SIRT4: variants seen among roughly 807,000 people sequenced by gnomAD.
SIRT4 encodes the protein sirtuin 4.
In SIRT4, 23 loss-of-function variants were observed where a neutral mutation model predicts 26.1. That is an observed-to-expected ratio of 0.88 (90% CI 0.63 to 1.25). The LOEUF (loss-of-function observed/expected upper bound fraction) is 1.25, where lower values mean the gene tolerates loss of function less well. SIRT4 is among the 50% of genes most tolerant of loss of function. SIRT4 has a pLI of 0.00. For missense variants in SIRT4, 361 were observed against 405.4 expected (o/e 0.89, Z 0.94); for synonymous variants, 155 against 158.4 (o/e 0.98, Z 0.16).
the SIRT4 span, among the ~76,000 whole-genome samples, chr12:120,296,012 G>C: frequency 6.7e-6 from 1 of 149,154 alleles, no homozygotes; most frequent in Non-Finnish European, 1.5e-5. Context: ...GCTTGAACCT[G>C]GGAGGTAGAG....
Position 120,312,736 on chromosome 12 carries a change from G to C in SIRT4, c.778G>C (p.Gly260Arg). 6.2e-7 allele frequency: 1 copy of C among 1,613,312 alleles called. No individual in the cohort carries two copies. Among genetic ancestry groups the C allele is most frequent in the Non-Finnish European group, 8.5e-7 (1 of 1,179,604 alleles). The change falls in exon 3 of 4, where the codon GGA (glycine) becomes CGA (arginine). Residue 260 changes from glycine (G) to arginine (R), a missense_variant. Physicochemically the swap from Gly to Arg is moderately radical, Grantham distance 125. Coordinates refer to ENST00000202967, the MANE Select transcript of SIRT4 (RefSeq NM_012240.3). ...VKEADSLLVV[G>R]SSLQVYSGYR... ...AGAAGCCGACTCCCTCTTGGTGGTG[G>C]GATCATCCTTGCAGGTATCTGACTT...
At chr12:120,298,908 A>AAAAT (rs34954726), upstream of SIRT4, among the ~76,000 whole-genome samples, 30,970 of 127,278 alleles carry the variant, frequency 0.24, 5,126 homozygotes, top group African/African-American at 0.46. Flanking sequence ...TCCGTCTCAA[A>AAAAT]AAATAAATAA....
rs1435189767 is a variant in SIRT4 at position 120,303,570 on chromosome 12, G to C, written c.9G>C (p.Met3Ile). ...GCTTCTTTTTCTCTAGAATGAAGATGAGCTTTGCGTTGACTTTCAGGTCAG... is the reference window on the plus strand; with the variant it reads ...GCTTCTTTTTCTCTAGAATGAAGATCAGCTTTGCGTTGACTTTCAGGTCAG... MK[M>I]SFALTFRSAK... Residue 3 changes from methionine to isoleucine, a missense_variant, in exon 2 of 4, where the codon ATG (methionine) becomes ATC (isoleucine). By Grantham distance (10) the Met-to-Ile change is conservative. Coordinates refer to ENST00000202967, the MANE Select transcript of SIRT4 (RefSeq NM_012240.3). 6.3e-7 allele frequency: 1 copy of C among 1,599,614 alleles called. No individual in the cohort carries two copies. The highest frequency in any genetic ancestry group is 8.5e-7 in the Non-Finnish European group (1 of 1,175,284).
chr12:120,304,875 C>T (rs1185573351), intron 2 of SIRT4, among the ~76,000 whole-genome samples: 6 of 137,048 alleles, frequency 4.4e-5, no homozygotes, highest in Non-Finnish European at 6.1e-5. Context: ...AAGTTGAGGC[C>T]GGGTGTGGTG....
In SIRT4 at chr12:120,307,885, G is replaced by C. The variant is rs1318040325; in HGVS notation, c.497+3827G>C. On this transcript the variant is annotated intron_variant, in intron 2 of 3. Transcript: ENST00000202967. ...AAAAACAACCAAGCAAACAAACAAA[G>C]AAAAGCACATAATTAATGATAAATG... 3.9e-5 allele frequency among the ~76,000 whole-genome samples: 6 copies of C among 151,942 alleles called. No individual in the cohort carries two copies. The East Asian group carries it at 9.6e-4, about 24-fold the overall frequency.
intron 1 of SIRT4, 131 bp from the exon 2 acceptor site, chr12:120,303,430 A>G (rs1330070564): frequency 2.9e-6 from 3 of 1,036,756 alleles, no homozygotes; most frequent in Non-Finnish European, 4.1e-6. Context: ...AGCCAAGATC[A>G]TGCCACTGTA....
the SIRT4 span, among the ~76,000 whole-genome samples, chr12:120,295,786 G>T: frequency 6.6e-6 from 1 of 151,786 alleles, no homozygotes; most frequent in Non-Finnish European, 1.5e-5. Context: ...GTCTAGGTGT[G>T]GTGGCTCGAG....
chr12:120,292,973 T>G, the SIRT4 span: 1 of 152,104 alleles, frequency 6.6e-6, no homozygotes, highest in Non-Finnish European at 1.5e-5. Flanking sequence ...GCGAATCAGC[T>G]GGTAAGACAC....
intron 2 of SIRT4, among the ~76,000 whole-genome samples, chr12:120,304,817 ATATATATATATATATATATTTTTTTTTT>A (rs1872677467): frequency 1.5e-4 from 1 of 6,740 alleles, no homozygotes; most frequent in Non-Finnish European, 2.9e-4. Context: ...ATATATATAT[ATATATATATATATATATATTTTTTTTTT>A]TTTTTTTTTT....
At chr12:120,300,763 T>C (rs1476548079), upstream of SIRT4, among the ~76,000 whole-genome samples, 2 of 152,110 alleles carry the variant, frequency 1.3e-5, no homozygotes, top group Admixed American at 1.3e-4. Context: ...CATCTTAAAA[T>C]GGGGGAAGGG....
At chr12:120,307,783 G>A (rs1026252554) in intron 2 of SIRT4, among the ~76,000 whole-genome samples, 8 of 151,914 alleles carry the variant, frequency 5.3e-5, no homozygotes, top group Non-Finnish European at 1.0e-4. Context: ...ATTTGAACCC[G>A]GGAGGCAGAG....
chr12:120,312,890 T>G lies in SIRT4; in HGVS notation c.799T>G (p.Ser267Ala). The G allele has an allele frequency of 1.2e-6, 2 of 1,614,188 alleles. No individual in the cohort carries two copies. The highest frequency in any genetic ancestry group is 1.7e-6 in the Non-Finnish European group (2 of 1,180,024). The change falls in exon 4 of 4, where the codon TCT (serine) becomes GCT (alanine). Residue 267 changes from serine (S) to alanine (A), a missense_variant. Physicochemically the swap from Ser to Ala is moderately conservative, Grantham distance 99. Coordinates refer to ENST00000202967, the MANE Select transcript of SIRT4 (RefSeq NM_012240.3). ...LVVGSSLQVY[S>A]GYRFILTAWE... ...GTGTCTTTTCTCCGTGCAGGTATAC[T>G]CTGGTTACAGGTTTATCCTCACTGC...
intron 1 of SIRT4, 133 bp downstream of exon 1, chr12:120,302,511 G>C (rs1354694675): frequency 6.6e-6 from 1 of 151,986 alleles, no homozygotes; most frequent in Admixed American, 6.6e-5. Context: ...TTTCAGCGGG[G>C]GTTTCCCCTG....
the SIRT4 span, among the ~76,000 whole-genome samples, chr12:120,296,365 C>T: frequency 1.3e-5 from 2 of 150,708 alleles, no homozygotes; most frequent in African/African-American, 4.9e-5. Context: ...CTACAGGCGC[C>T]CGCCACCACG....
chr12:120,307,033 G>A (rs998306362), intron 2 of SIRT4, among the ~76,000 whole-genome samples: 2 of 152,142 alleles, frequency 1.3e-5, no homozygotes, highest in Non-Finnish European at 2.9e-5. Flanking sequence ...AATAATTGTA[G>A]CTAATTGGAG....
intron 2 of SIRT4, among the ~76,000 whole-genome samples, chr12:120,309,875 C>T (rs1464223490): frequency 2.0e-5 from 3 of 151,508 alleles, no homozygotes; most frequent in Admixed American, 6.6e-5. Context: ...ACCACCACAC[C>T]CGGCTAATTT....
rs1873065371 is a variant in SIRT4, at chr12:120,313,217, T to C, written c.*181T>C. ...ATATTCTTAATTAAAACTCATTTTT[T>C]TTAAATAAAAAATTGTTCAGCTTTA... On this transcript the variant is annotated 3_prime_UTR_variant, in exon 4 of 4. Coordinates refer to ENST00000202967, the MANE Select transcript of SIRT4 (RefSeq NM_012240.3). 1.5e-6 allele frequency: 1 copy of C among 661,880 alleles called. No homozygotes were observed. The highest frequency in any genetic ancestry group is 2.5e-6 in the Non-Finnish European group (1 of 399,972). 41.0% of individuals were successfully genotyped at this position (661,880 alleles called of 1,614,324 possible). A position where few individuals can be genotyped will look rare whatever the true frequency, so the allele number is the denominator to read the frequency against.
chr12:120,312,675 C>T lies in SIRT4; in HGVS notation c.717C>T (p.Asn239=). Residue 239 remains asparagine (N), a synonymous_variant, in exon 3 of 4, where the codon AAC becomes AAT. Transcript: ENST00000202967. ...TCGTTTTCTTCGGGGACACAGTGAA[C>T]CCTGACAAGGTTGATTTTGTGCACA... ...PDVVFFGDTV[N]PDKVDFVHKR... is the part of the protein sequence containing the mutation. The T allele has an allele frequency of 6.2e-7, 1 of 1,614,100 alleles. No homozygotes were observed. The highest frequency in any genetic ancestry group is 1.3e-5 in the African/African-American group (1 of 75,030).
upstream of SIRT4, among the ~76,000 whole-genome samples, chr12:120,301,505 T>C (rs988976034): frequency 1.3e-5 from 2 of 152,132 alleles, no homozygotes; most frequent in Non-Finnish European, 2.9e-5. Context: ...ATGTTTAGAA[T>C]GAGTCAAATC....
Sources: allele counts gnomAD v4.1 joint callset (sites outside exome capture counted in the v4.1 genomes callset), GRCh38; gene constraint gnomAD v4.1.1; transcripts MANE v1.5; gene names NCBI Gene and HGNC (gene_info 2026-07-23, HGNC 2026-07-21).